TM7SF2: variants seen among roughly 807,000 people sequenced by gnomAD.
TM7SF2 encodes transmembrane 7 superfamily member 2.
Under a neutral mutation model 51.0 loss-of-function variants are expected in TM7SF2, and 51 were observed. The observed-to-expected ratio is 1.00, with a 90% CI of 0.80 to 1.26. The LOEUF (loss-of-function observed/expected upper bound fraction) is 1.26, where lower values mean the gene tolerates loss of function less well. TM7SF2 is among the 50% of genes most tolerant of loss of function. The pLI, the probability that TM7SF2 is intolerant of heterozygous loss-of-function variation, is 0.00. For missense variants in TM7SF2, 541 were observed against 547.4 expected (o/e 0.99, Z 0.12); for synonymous variants, 255 against 241.0 (o/e 1.06, Z -0.54).
In TM7SF2 at chr11:65,115,059, C is replaced by T. The variant is rs767903778; in HGVS notation, c.870C>T (p.Ala290=). Residue 290 remains alanine, a synonymous_variant, in exon 7 of 10, where the codon GCC becomes GCT. Coordinates refer to ENST00000279263, the MANE Select transcript of TM7SF2 (RefSeq NM_003273.6). ...CGCAGCCCCTGGGGTTGCCCATGGC[C>T]TCTGTCATCTGCCTCATCAATGGTC... ...HHPQPLGLPM[A]SVICLINATG... The T allele has an allele frequency of 3.7e-6, 6 of 1,613,900 alleles. No homozygotes were observed. The Admixed American group carries it at 5.0e-5, about 13-fold the overall frequency.
At position 65,115,951 on chromosome 11, in the gene TM7SF2, C is replaced by A. The variant is rs1375513345; in HGVS notation, c.1155C>A (p.His385Gln). 1 of 1,613,866 alleles carries A rather than the reference C, an allele frequency of 6.2e-7. No individual in the cohort carries two copies. The highest frequency in any genetic ancestry group is 2.2e-5 in the East Asian group (1 of 44,902). Reference protein sequence around the residue: ...YLLYFTALLVHREARDERQCL... With the variant: ...YLLYFTALLVQREARDERQCL... ...TCTACTTCACCGCGCTGCTGGTGCA[C>A]CGTGAGGCCCGGGATGAGCGGCAGT... The change falls in exon 10 of 10, where the codon CAC (histidine) becomes CAA (glutamine). Residue 385 changes from histidine to glutamine, a missense_variant. Coordinates refer to ENST00000279263, the MANE Select transcript of TM7SF2 (RefSeq NM_003273.6).
intron 9 of TM7SF2, 24 bp from the exon 10 acceptor site, chr11:65,115,869 G>C: frequency 6.2e-7 from 1 of 1,613,980 alleles, no homozygotes; most frequent in Non-Finnish European, 8.5e-7. Flanking sequence ...CGGCAGGGTG[G>C]TCACAGAGCC....
chr11:65,113,073 G>A, intron 3 of TM7SF2, 147 bp from the exon 4 acceptor site: 1 of 1,071,960 alleles, frequency 9.3e-7, no homozygotes, highest in Non-Finnish European at 1.3e-6. Context: ...CACAGCAGTG[G>A]CTGGGGTGAT....
chr11:65,116,175 A>G lies in TM7SF2; in HGVS notation c.*122A>G. On this transcript the variant is annotated 3_prime_UTR_variant, in exon 10 of 10. Transcript: ENST00000279263. The stretch of plus-strand genomic sequence containing the variant: ...ACCCCACCCAGCCCTGAGGATGAAC[A>G]ACCTCAGAGAAGAGGTGGTTTAGAG... 7.6e-7 allele frequency: 1 copy of G among 1,322,858 alleles called. No homozygotes were observed. The highest frequency in any genetic ancestry group is 1.0e-6 in the Non-Finnish European group (1 of 985,510). The allele number at this position is 1,322,858 out of a possible 1,614,324, so 81.9% of individuals were successfully genotyped here.
intron 5 of TM7SF2, 96 bp from the exon 6 acceptor site, chr11:65,114,617 G>C: frequency 6.9e-7 from 1 of 1,442,842 alleles, no homozygotes; most frequent in Non-Finnish European, 9.4e-7. Context: ...TTAAGAGCTG[G>C]AGTGTAACTG....
rs767122038 is a variant in TM7SF2, at chr11:65,112,578, C to G, written c.116C>G (p.Ser39Trp). Residue 39 changes from serine to tryptophan, a missense_variant, in exon 2 of 10, where the codon TCG (serine) becomes TGG (tryptophan). Transcript: ENST00000279263. ...TTCCACCTGCTCCTGGCGGCCCGTT[C>G]GGGCCCCGCGCGCCTGCTGGGTCCA... is the stretch of plus-strand genomic sequence containing the variant. Reference protein sequence around the residue: ...TMFHLLLAARSGPARLLGPPA... With the variant: ...TMFHLLLAARWGPARLLGPPA... 3.7e-4 allele frequency: 556 copies of G among 1,521,358 alleles called. No individual in the cohort carries two copies. The highest frequency in any genetic ancestry group is 4.6e-4 in the Non-Finnish European group (528 of 1,142,968). The allele number at this position is 1,521,358 out of a possible 1,614,324, so 94.2% of individuals were successfully genotyped here.
At chr11:65,115,222 G>A (rs1590817455) in intron 7 of TM7SF2, 92 bp from the exon 8 acceptor site, 1 of 1,595,290 alleles carries the variant, frequency 6.3e-7, no homozygotes, top group South Asian at 1.1e-5. Context: ...TCCAGGCAGA[G>A]TCTGGGCTGC....
intron 7 of TM7SF2, 39 bp from the exon 8 acceptor site, chr11:65,115,275 A>G: frequency 6.2e-7 from 1 of 1,609,530 alleles, no homozygotes; most frequent in African/African-American, 1.3e-5. Flanking sequence ...GGAGGCTGCA[A>G]CCCTTGACCT....
At chr11:65,113,735 C>T (rs181128982) in intron 5 of TM7SF2, 141 bp downstream of exon 5, 1 of 755,478 alleles carries the variant, frequency 1.3e-6, no homozygotes. Context: ...TTCAATCCAC[C>T]TGTGCCTAGG....
chr11:65,115,850 T>C (rs749593352), intron 9 of TM7SF2, 43 bp from the exon 10 acceptor site: 16 of 1,613,436 alleles, frequency 9.9e-6, no homozygotes. Flanking sequence ...AACTGCGGGG[T>C]GGAGGGGCCG....
chr11:65,113,460 G>A, intron 4 of TM7SF2, 31 bp from the exon 5 acceptor site: 1 of 1,614,160 alleles, frequency 6.2e-7, no homozygotes, highest in Non-Finnish European at 8.5e-7. Flanking sequence ...TGGGGCGTCT[G>A]CCTGTACATT....
Position 65,114,964 on chromosome 11 carries a change from C to T in TM7SF2, c.775C>T (p.Leu259=), listed in dbSNP as rs1232532312. 6.2e-7 allele frequency: 1 copy of T among 1,614,246 alleles called. No individual in the cohort carries two copies. Among genetic ancestry groups the T allele is most frequent in the Non-Finnish European group, 8.5e-7 (1 of 1,180,042 alleles). Residue 259 remains leucine, a synonymous_variant, in exon 7 of 10, where the codon CTG becomes TTG. Transcript: ENST00000279263. The part of the protein sequence containing the change: ...DITHDGFGFM[L]AFGDMAWVPF... ...CACACATGACGGGTTTGGCTTCATG[C>T]TGGCGTTTGGGGACATGGCCTGGGT...
chr11:65,112,144 G>A (rs747403076), intron 1 of TM7SF2, 77 bp downstream of exon 1: 47 of 1,446,710 alleles, frequency 3.2e-5, no homozygotes, highest in Non-Finnish European at 4.3e-5. Flanking sequence ...AAGAGCGGGG[G>A]CGAGATCTGA....
Position 65,112,536 on chromosome 11 carries a change from T to C in TM7SF2, c.74T>C (p.Leu25Pro). ...GCAGGCGCCGCGGCTCTGCTACTGCTGCTGCCCGCCACCATGTTCCACCTG... is the reference window on the plus strand; with the variant it reads ...GCAGGCGCCGCGGCTCTGCTACTGCCGCTGCCCGCCACCATGTTCCACCTG... ...GPLGAAALLL[L>P]LPATMFHLLL... The change falls in exon 2 of 10, where the codon CTG becomes CCG. Residue 25 changes from leucine (L) to proline (P), a missense_variant. Coordinates refer to ENST00000279263, the MANE Select transcript of TM7SF2 (RefSeq NM_003273.6). The C allele has an allele frequency of 6.5e-7, 1 of 1,531,728 alleles. No homozygotes were observed. Among genetic ancestry groups the C allele is most frequent in the East Asian group, 2.6e-5 (1 of 38,332 alleles). The allele number at this position is 1,531,728 out of a possible 1,614,324, so 94.9% of individuals were successfully genotyped here.
chr11:65,113,883 T>G, intron 5 of TM7SF2: 1 of 445,508 alleles, frequency 2.2e-6, no homozygotes. Flanking sequence ...GCACGTGCAA[T>G]TCTCAACAGC....
In TM7SF2 at chr11:65,115,403, G is replaced by A. The variant is rs765830331; in HGVS notation, c.973+9G>A. 1.9e-6 allele frequency: 3 copies of A among 1,614,208 alleles called. No individual in the cohort carries two copies. The highest frequency in any genetic ancestry group is 2.5e-6 in the Non-Finnish European group (3 of 1,180,028). ...TGACCCCAGAGTGGCTGGTGAGCTG[G>A]TTCTCTAGGGCCATGGGTGAGGTGG... On this transcript the variant is annotated intron_variant, in intron 8 of 9. Transcript: ENST00000279263.
intron 1 of TM7SF2, 178 bp from the exon 2 acceptor site, chr11:65,112,337 C>T: frequency 1.3e-6 from 1 of 747,922 alleles, no homozygotes; most frequent in Non-Finnish European, 2.1e-6. Context: ...AAGATGGACG[C>T]CTGGGAAGGG....
chr11:65,115,706 T>C, intron 9 of TM7SF2, 108 bp downstream of exon 9: 1 of 1,598,016 alleles, frequency 6.3e-7, no homozygotes, highest in Non-Finnish European at 8.6e-7. Context: ...GTCAGAGAGC[T>C]GGGGGTGGAC....
intron 5 of TM7SF2, among the ~76,000 whole-genome samples, chr11:65,113,961 C>T (rs1299716510): frequency 6.6e-6 from 1 of 152,158 alleles, no homozygotes; most frequent in Non-Finnish European, 1.5e-5. Flanking sequence ...AGTGCAGAAC[C>T]TGAAATTGAT....
Sources: gnomAD v4.1 joint callset for allele counts (sites outside exome capture counted in the v4.1 genomes callset) on GRCh38, gnomAD v4.1.1 for gene constraint, MANE v1.5 for transcripts, NCBI Gene and HGNC (gene_info 2026-07-23, HGNC 2026-07-21) for gene names.